TMEM143: variants seen among roughly 807,000 people sequenced by gnomAD.
The protein encoded by TMEM143 is transmembrane protein 143.
In TMEM143, 45 loss-of-function variants were observed where a neutral mutation model predicts 40.3. The ratio of observed to expected loss-of-function variants is 1.12; its 90% CI spans 0.88 to 1.43. The LOEUF (loss-of-function observed/expected upper bound fraction) is 1.43, where lower values mean the gene tolerates loss of function less well. Ranked by LOEUF, TMEM143 falls within the 40% of genes most tolerant of loss-of-function variation. TMEM143 has a pLI of 0.00. For synonymous variants in TMEM143, 299 were observed against 282.7 expected (o/e 1.06, Z -0.58); for missense variants, 620 against 613.4 (o/e 1.01, Z -0.11).
chr19:48,333,075 T>G lies in TMEM143; in HGVS notation c.*144A>C. The G allele has an allele frequency of 1.6e-6, 1 of 606,716 alleles. No homozygotes were observed. Among genetic ancestry groups the G allele is most frequent in the Non-Finnish European group, 2.5e-6 (1 of 395,362 alleles). 37.6% of individuals were successfully genotyped at this position (606,716 alleles called of 1,614,324 possible). ...AGCTGCTTTGATTGGCTGCTTTGCT[T>G]AAGCACACAGTGCAGCAAAAATAAT... On this transcript the variant is annotated 3_prime_UTR_variant, in exon 8 of 8. Transcript: ENST00000293261. This position sits in a 1 kb window ranked among gnomAD's most constrained non-coding sequence, Gnocchi z 4.1.
chr19:48,336,262 A>G (rs559800248), intron 6 of TMEM143, among the ~76,000 whole-genome samples: 2 of 152,266 alleles, frequency 1.3e-5, no homozygotes, highest in Admixed American at 6.5e-5. Flanking sequence ...TCATGCCTGT[A>G]ATTCTAGCAC....
rs375817654 is a variant in TMEM143 at position 48,363,502 on chromosome 19, T to G, written c.53A>C (p.His18Pro). 3.1e-6 allele frequency: 5 copies of G among 1,613,504 alleles called. No individual in the cohort carries two copies. The highest frequency in any genetic ancestry group is 1.1e-5 in the South Asian group (1 of 91,032). The change falls in exon 2 of 8, where the codon CAT (histidine) becomes CCT (proline). Residue 18 changes from histidine to proline, a missense_variant. Physicochemically the swap from His to Pro is moderately conservative, Grantham distance 77. Coordinates refer to ENST00000293261, the MANE Select transcript of TMEM143 (RefSeq NM_018273.4). ...GGACCCCCAGACCCCCCGGGTCACA[T>G]GCAGCATGGCTAGACCCTTTCCCCG... ...RLRGKGLAML[H>P]VTRGVWGSRV... is the part of the protein sequence containing the mutation.
intron 3 of TMEM143, among the ~76,000 whole-genome samples, chr19:48,347,023 C>T (rs1482477685): frequency 1.3e-5 from 2 of 152,120 alleles, no homozygotes; most frequent in Non-Finnish European, 2.9e-5. Flanking sequence ...GTTCAAGTTC[C>T]CTCACAAACT....
intron 3 of TMEM143, among the ~76,000 whole-genome samples, chr19:48,352,636 A>T (rs1969803008): frequency 6.6e-6 from 1 of 151,268 alleles, no homozygotes; most frequent in Admixed American, 6.6e-5. Flanking sequence ...CTAGCCAGGC[A>T]TGGTGGTGCA....
At chr19:48,357,399 G>GT (rs1379403552) in intron 3 of TMEM143, among the ~76,000 whole-genome samples, 1 of 5,756 alleles carries the variant, frequency 1.7e-4, no homozygotes, top group East Asian at 7.7e-3. Context: ...CTATCGCCCA[G>GT]CTGGAGTGCG....
chr19:48,360,066 C>G lies in TMEM143; in HGVS notation c.369+6G>C. 1.9e-6 allele frequency: 3 copies of G among 1,613,878 alleles called. No homozygotes were observed. The highest frequency in any genetic ancestry group is 1.7e-6 in the Non-Finnish European group (2 of 1,179,932). On this transcript the variant is annotated splice_donor_region_variant and intron_variant, in intron 3 of 7. Coordinates refer to ENST00000293261, the MANE Select transcript of TMEM143 (RefSeq NM_018273.4). ...CACCACAGGGCTGGAAGGGCCCCGT[C>G]CTCACCTGCAGCCGGGCCAGGATTT...
chr19:48,355,027 CT>C (rs112023626), intron 3 of TMEM143, among the ~76,000 whole-genome samples: 29 of 148,576 alleles, frequency 2.0e-4, no homozygotes, highest in African/African-American at 2.7e-4. Context: ...CTTTTTTTAA[CT>C]TTTTTTTTTT....
intron 3 of TMEM143, among the ~76,000 whole-genome samples, chr19:48,356,803 A>C (rs1317338250): frequency 1.4e-5 from 2 of 143,160 alleles, no homozygotes; most frequent in African/African-American, 5.2e-5. Context: ...CTCCATGTTG[A>C]GGCTGGTCTC....
chr19:48,332,420 A>G lies in TMEM143; in HGVS notation c.*799T>C, dbSNP rs1969233213. On this transcript the variant is annotated 3_prime_UTR_variant, in exon 8 of 8. Transcript: ENST00000293261. ...ACGGGAGAAATTGATAGACCAATAA[A>G]TATTGCACAGGCTGCTGGTGGTGGG... 6.6e-6 allele frequency: 1 copy of G among 152,258 alleles called. No individual in the cohort carries two copies. Among genetic ancestry groups the G allele is most frequent in the South Asian group, 2.1e-4 (1 of 4,834 alleles). The allele number at this position is 152,258 out of a possible 1,614,324, so 9.4% of individuals were successfully genotyped here.
rs371404057 is a variant in TMEM143 at position 48,360,033 on chromosome 19, C to T, written c.369+39G>A. The T allele has an allele frequency of 2.2e-5, 35 of 1,589,110 alleles. No individual in the cohort carries two copies. In the Middle Eastern group the frequency reaches 9.4e-4, roughly 42 times the overall value. On this transcript the variant is annotated intron_variant, in intron 3 of 7. Coordinates refer to ENST00000293261, the MANE Select transcript of TMEM143 (RefSeq NM_018273.4). Reference sequence around the variant, plus strand: ...AATGTTTGCTAAATGAGCGGATGCTCGAACAAGCACCACAGGGCTGGAAGG... The same window carrying T: ...AATGTTTGCTAAATGAGCGGATGCTTGAACAAGCACCACAGGGCTGGAAGG...
chr19:48,339,926 A>G (rs538902614), intron 6 of TMEM143, among the ~76,000 whole-genome samples: 18 of 151,618 alleles, frequency 1.2e-4, no homozygotes, highest in Admixed American at 5.3e-4. Flanking sequence ...ATGGGGTTTC[A>G]CTACGTTGGC....
chr19:48,332,895 C>T lies in TMEM143; in HGVS notation c.*324G>A. The T allele has an allele frequency of 4.7e-6, 1 of 213,688 alleles. No individual in the cohort carries two copies. The highest frequency in any genetic ancestry group is 9.2e-6 in the Non-Finnish European group (1 of 108,304). The allele number at this position is 213,688 out of a possible 1,614,324, so 13.2% of individuals were successfully genotyped here. ...ACCTGGCGGTTTACAGAAGCCAGAG[C>T]TGAGCAGCTGTGATTGGCAGACACC... On this transcript the variant is annotated 3_prime_UTR_variant, in exon 8 of 8. Coordinates refer to ENST00000293261, the MANE Select transcript of TMEM143 (RefSeq NM_018273.4).
chr19:48,357,648 G>A (rs1014576124), intron 3 of TMEM143, among the ~76,000 whole-genome samples: 11 of 152,116 alleles, frequency 7.2e-5, no homozygotes, highest in African/African-American at 2.4e-4. Context: ...GAGCCACCAC[G>A]CCCGGCCTCA....
In TMEM143 at chr19:48,357,638, G is replaced by T. The variant is rs564778633; in HGVS notation, c.369+2434C>A. On this transcript the variant is annotated intron_variant, in intron 3 of 7. Coordinates refer to ENST00000293261, the MANE Select transcript of TMEM143 (RefSeq NM_018273.4). Reference sequence around the variant, plus strand: ...CCCAAAGTGCTGGGATTACAGGCATGAGCCACCACGCCCGGCCTCAAGTCC... The same window carrying T: ...CCCAAAGTGCTGGGATTACAGGCATTAGCCACCACGCCCGGCCTCAAGTCC... Among the ~76,000 whole-genome samples, 3 of 151,578 alleles carry T rather than the reference G, an allele frequency of 2.0e-5. 1 individual carries two copies. In the South Asian group the frequency reaches 6.2e-4, roughly 32 times the overall value.
At position 48,350,266 on chromosome 19, in the gene TMEM143, C is replaced by T. The variant is rs191153135; in HGVS notation, c.370-4912G>A. Among the ~76,000 whole-genome samples the T allele has an allele frequency of 2.2e-3, 340 of 152,012 alleles. 1 individual carries two copies. Among genetic ancestry groups the T allele is most frequent in the South Asian group, 5.2e-3 (25 of 4,818 alleles). On this transcript the variant is annotated intron_variant, in intron 3 of 7. Transcript: ENST00000293261. ...GACCTCATGATCCACCCACCTCGGC[C>T]TCCCAAAGTGCTGGGATTACAGGCG...
chr19:48,350,125 G>A (rs773294630), intron 3 of TMEM143, among the ~76,000 whole-genome samples: 11 of 148,596 alleles, frequency 7.4e-5, no homozygotes, highest in Non-Finnish European at 1.2e-4. Flanking sequence ...CTCAGACTCC[G>A]GAGTAGCTGG....
Position 48,333,876 on chromosome 19 carries a change from G to A in TMEM143, c.1165+132C>T, listed in dbSNP as rs1012471955. On this transcript the variant is annotated intron_variant, in intron 7 of 7. Transcript: ENST00000293261. This position sits in a 1 kb window ranked among gnomAD's most constrained non-coding sequence, Gnocchi z 4.1. ...GAGTCTGGATTCGGAGGTCCTGTCT[G>A]CTGAGGGCCGGGGTCTCTTCGCAAA... 4.5e-5 allele frequency: 44 copies of A among 976,010 alleles called. No individual in the cohort carries two copies. The highest frequency in any genetic ancestry group is 6.3e-5 in the Non-Finnish European group (43 of 681,832). 60.5% of individuals were successfully genotyped at this position (976,010 alleles called of 1,614,324 possible).
chr19:48,355,711 A>C (rs1316341360), intron 3 of TMEM143, among the ~76,000 whole-genome samples: 1 of 152,210 alleles, frequency 6.6e-6, no homozygotes, highest in Non-Finnish European at 1.5e-5. Flanking sequence ...AACCCCGCAC[A>C]TTCCAAAGAA....
chr19:48,352,246 C>CAAAAAAAAAAAA (rs1231759805), intron 3 of TMEM143, among the ~76,000 whole-genome samples: 7,814 of 40,832 alleles, frequency 0.19, 2,328 homozygotes, highest in Non-Finnish European at 0.23. Flanking sequence ...GACTCTGTCT[C>CAAAAAAAAAAAA]AAAAAAAAAA....
Sources: gnomAD v4.1 joint callset for allele counts (sites outside exome capture counted in the v4.1 genomes callset) on GRCh38, gnomAD v4.1.1 for gene constraint, Gnocchi (gnomAD v3.1) non-coding constraint, MANE v1.5 for transcripts, NCBI Gene and HGNC (gene_info 2026-07-23, HGNC 2026-07-21) for gene names.